CYP4B1: variants seen among roughly 807,000 people sequenced by gnomAD.
CYP4B1 encodes cytochrome P450 4B1.
A neutral mutation model predicts 54.0 loss-of-function variants in CYP4B1; 45 were observed. The ratio of observed to expected loss-of-function variants is 0.83; its 90% CI spans 0.66 to 1.07. The LOEUF is 1.07. Among genes scored for constraint, CYP4B1 ranks in the 50% least tolerant of loss-of-function variants. The probability of loss-of-function intolerance (pLI) is 0.00; values close to 1 mark genes in which losing one functional copy is unlikely to be tolerated. For synonymous variants in CYP4B1, 248 were observed against 247.5 expected (o/e 1.00, Z -0.02); for missense variants, 656 against 655.4 (o/e 1.00, Z -0.01).
intron 4 of CYP4B1, 84 bp from the exon 5 acceptor site, chr1:46,813,398 G>A (rs1679190250): frequency 6.4e-7 from 1 of 1,562,744 alleles, no homozygotes; most frequent in East Asian, 2.2e-5. Context: ...ATAGGCTACG[G>A]GTCCTGGAGG....
rs1473736753 is a variant in CYP4B1, at chr1:46,815,085, C to T, written c.894C>T (p.Asp298=). 6.2e-7 allele frequency: 1 copy of T among 1,614,156 alleles called. No individual in the cohort carries two copies. The highest frequency in any genetic ancestry group is 8.5e-7 in the Non-Finnish European group (1 of 1,180,002). The change falls in exon 8 of 12, where the codon GAC becomes GAT. Residue 298 remains aspartate (D), a synonymous_variant. Transcript: ENST00000371923. ...DILLGARDED[D]IKLSDADLRA... The stretch of plus-strand genomic sequence containing the variant: ...CTTCCCTAACCCAGGATGAAGATGA[C>T]ATCAAACTGTCAGATGCAGACCTCC...
intron 1 of CYP4B1, among the ~76,000 whole-genome samples, chr1:46,803,019 G>A (rs145789702): frequency 4.9e-4 from 75 of 152,304 alleles, no homozygotes; most frequent in Non-Finnish European, 8.4e-4. Context: ...GTACCTCAGC[G>A]CTTCTGCAGT....
intron 9 of CYP4B1, 80 bp downstream of exon 9, chr1:46,817,261 T>C (rs1026949775): frequency 4.5e-6 from 7 of 1,572,624 alleles, no homozygotes; most frequent in Middle Eastern, 1.8e-4. Flanking sequence ...GTCAAATCTT[T>C]GCACTTTTGG....
chr1:46,813,470 C>G lies in CYP4B1; in HGVS notation c.496-12C>G, dbSNP rs373803171. On this transcript the variant is annotated splice_polypyrimidine_tract_variant and intron_variant, in intron 4 of 11. Transcript: ENST00000371923. ...CGCCTCCTACACATTGCCTCCTATC[C>G]CTGGACTCCAGGACAAGTGGGAAGA... 1 of 1,613,946 alleles carries G rather than the reference C, an allele frequency of 6.2e-7. No individual in the cohort carries two copies. The highest frequency in any genetic ancestry group is 1.3e-5 in the African/African-American group (1 of 74,944).
intron 1 of CYP4B1, among the ~76,000 whole-genome samples, chr1:46,806,543 G>A (rs1038916715): frequency 7.2e-5 from 11 of 152,282 alleles, no homozygotes; most frequent in African/African-American, 2.4e-4. Context: ...TCTTTGTACC[G>A]CACGTTTCCA....
At chr1:46,818,062 G>A (rs4646497) in intron 10 of CYP4B1, 33 bp downstream of exon 10, 2 of 1,613,542 alleles carry the variant, frequency 1.2e-6, no homozygotes, top group Non-Finnish European at 1.7e-6. Context: ...GATCAGACAG[G>A]GTGGGGGACT....
At chr1:46,805,624 G>A (rs1678827975) in intron 1 of CYP4B1, among the ~76,000 whole-genome samples, 1 of 152,158 alleles carries the variant, frequency 6.6e-6, no homozygotes. Flanking sequence ...TTTTGCATTC[G>A]ATCCCCTCTT....
chr1:46,805,457 C>T (rs184309945), intron 1 of CYP4B1, among the ~76,000 whole-genome samples: 1 of 152,340 alleles, frequency 6.6e-6, no homozygotes, highest in Non-Finnish European at 1.5e-5. Flanking sequence ...CACCCAAAGT[C>T]TCTTTGCTCC....
At position 46,815,261 on chromosome 1, in the gene CYP4B1, A is replaced by G. The variant is rs1364603842; in HGVS notation, c.1070A>G (p.Gln357Arg). Residue 357 changes from glutamine to arginine, a missense_variant, in exon 8 of 12, where the codon CAG becomes CGG. Coordinates refer to ENST00000371923, the MANE Select transcript of CYP4B1 (RefSeq NM_001099772.2). ...ATCCTAGGGGACCAGGACTTCTTCC[A>G]GTGGTGAGTCTGAGGGTGGGCCCGG... The part of the protein sequence containing the change: ...REILGDQDFF[Q>R]WDDLGKMTYL... The G allele has an allele frequency of 6.4e-7, 1 of 1,559,168 alleles. No homozygotes were observed. Among genetic ancestry groups the G allele is most frequent in the East Asian group, 2.3e-5 (1 of 43,964 alleles).
chr1:46,810,789 C>A lies in CYP4B1; in HGVS notation c.181-19C>A, dbSNP rs201462962. ...ACAATGTGTTCCTGAGTGACCTTGG[C>A]CTTCTGTCATCATTTCAGATCCAGG... On this transcript the variant is annotated intron_variant, in intron 1 of 11. Coordinates refer to ENST00000371923, the MANE Select transcript of CYP4B1 (RefSeq NM_001099772.2). The A allele has an allele frequency of 5.6e-6, 9 of 1,613,834 alleles. No homozygotes were observed. The highest frequency in any genetic ancestry group is 8.5e-7 in the Non-Finnish European group (1 of 1,179,916).
At position 46,810,838 on chromosome 1, in the gene CYP4B1, G is replaced by T. The variant is rs1265152453; in HGVS notation, c.211G>T (p.Val71Leu). The T allele has an allele frequency of 1.2e-6, 2 of 1,614,164 alleles. No homozygotes were observed. Among genetic ancestry groups the T allele is most frequent in the Non-Finnish European group, 8.5e-7 (1 of 1,180,016 alleles). The stretch of plus-strand genomic sequence containing the variant: ...GGAGACGGGGAGCCTGGACAAAGTG[G>T]TGTCCTGGGCCCACCAGTTCCCGTA... Reference protein sequence around the residue: ...IQETGSLDKVVSWAHQFPYAH... With the variant: ...IQETGSLDKVLSWAHQFPYAH... Residue 71 changes from valine to leucine, a missense_variant, in exon 2 of 12, where the codon GTG becomes TTG. Transcript: ENST00000371923.
Position 46,810,883 on chromosome 1 carries a change from G to T in CYP4B1, c.256G>T (p.Gly86Ter). Residue 86 changes from glycine (G) to a stop codon, truncating the protein, a stop_gained, in exon 2 of 12, where the codon GGA becomes TGA. Coordinates refer to ENST00000371923, the MANE Select transcript of CYP4B1 (RefSeq NM_001099772.2). LOFTEE classifies it high-confidence loss of function. ...QFPYAHPLWF[G>*]QFIGFLNIYE... ...CCCGTATGCCCACCCACTCTGGTTC[G>T]GACAGTTCATTGGCTTCCTGAACAT... 2 of 1,614,112 alleles carry T rather than the reference G, an allele frequency of 1.2e-6. No homozygotes were observed. The highest frequency in any genetic ancestry group is 1.7e-6 in the Non-Finnish European group (2 of 1,180,018).
chr1:46,811,659 G>A (rs1279734065), intron 3 of CYP4B1, among the ~76,000 whole-genome samples: 2 of 152,164 alleles, frequency 1.3e-5, no homozygotes, highest in African/African-American at 4.8e-5. Flanking sequence ...ATAAGGAGGT[G>A]ATTTGATGTT....
Position 46,799,247 on chromosome 1 carries a change from G to A in CYP4B1, c.166G>A (p.Gly56Arg). ...FPGPPTHWLF[G>R]HALEIQETGS... ...AGGGCCTCCCACCCACTGGCTTTTTGGACATGCCCTCGAGGTATGTGGAGG... is the reference window on the plus strand; with the variant it reads ...AGGGCCTCCCACCCACTGGCTTTTTAGACATGCCCTCGAGGTATGTGGAGG... Residue 56 changes from glycine (G) to arginine (R), a missense_variant, in exon 1 of 12, where the codon GGA becomes AGA. By Grantham distance (125) the Gly-to-Arg change is moderately radical (BLOSUM62 -2). Transcript: ENST00000371923. 6.3e-7 allele frequency: 1 copy of A among 1,595,418 alleles called. No individual in the cohort carries two copies. The highest frequency in any genetic ancestry group is 8.5e-7 in the Non-Finnish European group (1 of 1,170,794).
In CYP4B1 at chr1:46,799,757, C is replaced by T. The variant is rs55693314; in HGVS notation, c.180+496C>T. ...CGAGTGTCTAAGCGGTTGGTGTCCCCAAAGGCAGGGCTCTCCCGGCCATGC... is the reference window on the plus strand; with the variant it reads ...CGAGTGTCTAAGCGGTTGGTGTCCCTAAAGGCAGGGCTCTCCCGGCCATGC... On this transcript the variant is annotated intron_variant, in intron 1 of 11. Coordinates refer to ENST00000371923, the MANE Select transcript of CYP4B1 (RefSeq NM_001099772.2). Among the ~76,000 whole-genome samples, 995 of 152,338 alleles carry T rather than the reference C, an allele frequency of 6.5e-3. 12 individuals are homozygous for T. Among genetic ancestry groups the T allele is most frequent in the Non-Finnish European group, 1.0e-2 (680 of 68,026 alleles).
intron 8 of CYP4B1, among the ~76,000 whole-genome samples, chr1:46,816,156 G>A (rs1038113286): frequency 1.3e-5 from 2 of 152,192 alleles, no homozygotes; most frequent in African/African-American, 2.4e-5. Flanking sequence ...GGTGCAGAAC[G>A]GAAGAGAAAG....
At chr1:46,808,849 C>T (rs1401584406) in intron 1 of CYP4B1, among the ~76,000 whole-genome samples, 3 of 149,072 alleles carry the variant, frequency 2.0e-5, no homozygotes, top group Non-Finnish European at 4.4e-5. Context: ...AATCATCATT[C>T]TCAGTAAACT....
intron 1 of CYP4B1, among the ~76,000 whole-genome samples, chr1:46,802,585 C>T (rs571344579): frequency 6.6e-6 from 1 of 152,198 alleles, no homozygotes; most frequent in Non-Finnish European, 1.5e-5. Context: ...CTTTCTTCAT[C>T]CCCTTCCTTC....
intron 8 of CYP4B1, among the ~76,000 whole-genome samples, chr1:46,816,581 G>GACACACACACACAC (rs3066413): frequency 2.2e-4 from 32 of 146,596 alleles, no homozygotes; most frequent in African/African-American, 6.5e-4. Context: ...AAAGGGAAAA[G>GACACACACACACAC]ACACACACAC....
Sources: allele counts gnomAD v4.1 joint callset (sites outside exome capture counted in the v4.1 genomes callset), GRCh38; gene constraint gnomAD v4.1.1; transcripts MANE v1.5; gene names NCBI Gene and HGNC (gene_info 2026-07-23, HGNC 2026-07-21).